Variants in B4GALT6 observed in about 807,000 individuals in gnomAD.
B4GALT6 encodes beta-1,4-galactosyltransferase 6.
A neutral mutation model predicts 46.3 loss-of-function variants in B4GALT6; 14 were observed. That is an observed-to-expected ratio of 0.30 (90% CI 0.20 to 0.47). The LOEUF is 0.47. Ranked by LOEUF, B4GALT6 falls within the 20% of genes least tolerant of loss-of-function variation. The pLI is 0.99. For synonymous variants in B4GALT6, 168 were observed against 162.0 expected, an observed-to-expected ratio of 1.04 and a Z score of -0.28; for missense variants, 386 against 480.1, an observed-to-expected ratio of 0.80 and a Z score of 1.83.
upstream of B4GALT6, among the ~76,000 whole-genome samples, chr18:31,687,094 T>C (rs763862679): frequency 5.3e-5 from 8 of 152,220 alleles, no homozygotes; most frequent in Non-Finnish European, 5.9e-5. Context: ...TATCTCTTGA[T>C]TTCTCTTGTT....
intron 3 of B4GALT6, among the ~76,000 whole-genome samples, chr18:31,657,688 T>TG (rs1238520023): frequency 6.6e-6 from 1 of 152,188 alleles, no homozygotes; most frequent in African/African-American, 2.4e-5. Flanking sequence ...TAAAAGAACT[T>TG]GGACATAGGT....
chr18:31,654,527 AAC>A (rs1231633006), intron 3 of B4GALT6, among the ~76,000 whole-genome samples: 2 of 152,222 alleles, frequency 1.3e-5, no homozygotes, highest in African/African-American at 4.8e-5. Flanking sequence ...TTGAATATGA[AAC>A]ACTGCTGAAA....
chr18:31,714,375 C>T, the B4GALT6 span, among the ~76,000 whole-genome samples: 1 of 152,350 alleles, frequency 6.6e-6, no homozygotes, highest in Non-Finnish European at 1.5e-5. Flanking sequence ...TCCCCCAGGA[C>T]CACTCCAGAC....
At chr18:31,719,725 T>G in the B4GALT6 span, among the ~76,000 whole-genome samples, 1 of 151,962 alleles carries the variant, frequency 6.6e-6, no homozygotes, top group Non-Finnish European at 1.5e-5. Context: ...AAGTGGGGAG[T>G]GCCGTTTGAT....
the B4GALT6 span, among the ~76,000 whole-genome samples, chr18:31,709,553 ATGTGTGTGTGTGTG>A: frequency 7.7e-4 from 97 of 126,788 alleles, no homozygotes; most frequent in Middle Eastern, 4.2e-3. Context: ...TAGGATATAT[ATGTGTGTGTGTGTG>A]TGTGTGTGTG....
chr18:31,685,414 G>C (rs1405261187), upstream of B4GALT6, among the ~76,000 whole-genome samples: 2 of 151,344 alleles, frequency 1.3e-5, no homozygotes, highest in Non-Finnish European at 3.0e-5. Context: ...GGAAAACCGG[G>C]ACCGGCGGGA....
At chr18:31,661,846 T>C (rs1480447823) in intron 2 of B4GALT6, among the ~76,000 whole-genome samples, 2 of 152,204 alleles carry the variant, frequency 1.3e-5, no homozygotes, top group African/African-American at 2.4e-5. Context: ...CAGAAAAATA[T>C]CTACATTTTC....
the B4GALT6 span, among the ~76,000 whole-genome samples, chr18:31,693,373 A>T: frequency 2.0e-5 from 3 of 152,220 alleles, no homozygotes; most frequent in East Asian, 5.8e-4. Flanking sequence ...CTATTAACAG[A>T]ATGTCATAGA....
Position 31,655,547 on chromosome 18 carries a change from G to T in B4GALT6, c.346+2429C>A, listed in dbSNP as rs545533983. Among the ~76,000 whole-genome samples, 11 of 152,358 alleles carry T rather than the reference G, an allele frequency of 7.2e-5. No individual in the cohort carries two copies. In the East Asian group the frequency reaches 1.9e-3, roughly 27 times the overall value. ...GGCACCACAAGAGATGGTACAATGG[G>T]CTGTGGGGCGGGAGGAGAGGAGTAC... On this transcript the variant is annotated intron_variant, in intron 3 of 8. Coordinates refer to ENST00000306851, the MANE Select transcript of B4GALT6 (RefSeq NM_004775.5).
At position 31,631,149 on chromosome 18, in the gene B4GALT6, TC is replaced by T. The variant is rs752003560; in HGVS notation, c.589-4del. On this transcript the variant is annotated splice_polypyrimidine_tract_variant and splice_region_variant and intron_variant, in intron 5 of 8. Transcript: ENST00000306851. ...CGGTTAAAAGGTTGTGTGCCAGTCT[TC>T]ATGGAGCAGACCGAGAGAAAAAAAT... 6.2e-7 allele frequency: 1 copy of T among 1,608,398 alleles called. No individual in the cohort carries two copies. The highest frequency in any genetic ancestry group is 8.5e-7 in the Non-Finnish European group (1 of 1,176,542).
chr18:31,659,844 T>C (rs1192909205), intron 2 of B4GALT6, among the ~76,000 whole-genome samples: 1 of 151,824 alleles, frequency 6.6e-6, no homozygotes, highest in Non-Finnish European at 1.5e-5. Context: ...CCACAGACAC[T>C]ACACTGGTAG....
At chr18:31,685,380 G>A (rs1193864313), upstream of B4GALT6, among the ~76,000 whole-genome samples, 10 of 151,638 alleles carry the variant, frequency 6.6e-5, no homozygotes, top group South Asian at 2.1e-4. Context: ...AGAGGCGGAC[G>A]TGAAGGGGCG....
At chr18:31,679,795 A>C (rs2074459005) in intron 1 of B4GALT6, among the ~76,000 whole-genome samples, 1 of 152,188 alleles carries the variant, frequency 6.6e-6, no homozygotes, top group Non-Finnish European at 1.5e-5. Flanking sequence ...GTGACTTTCT[A>C]TACTCCCTAT....
At chr18:31,717,356 G>T in the B4GALT6 span, among the ~76,000 whole-genome samples, 2 of 152,102 alleles carry the variant, frequency 1.3e-5, no homozygotes, top group Non-Finnish European at 2.9e-5. Flanking sequence ...GTACCTTATG[G>T]AATTGACTGA....
At chr18:31,684,658 G>C, upstream of B4GALT6, 1 of 1,152,854 alleles carries the variant, frequency 8.7e-7, no homozygotes, top group Non-Finnish European at 1.1e-6. Context: ...CGAGGGACAA[G>C]AGGTGGAGGG....
upstream of B4GALT6, among the ~76,000 whole-genome samples, chr18:31,687,534 C>T (rs907942213): frequency 9.2e-5 from 14 of 152,308 alleles, no homozygotes; most frequent in African/African-American, 2.9e-4. Context: ...GATATTTCCT[C>T]AGGAGCCAAG....
intron 3 of B4GALT6, among the ~76,000 whole-genome samples, chr18:31,654,710 T>C (rs2074117280): frequency 6.6e-6 from 1 of 152,218 alleles, no homozygotes; most frequent in African/African-American, 2.4e-5. Context: ...TGACTATAAG[T>C]AAATATTACT....
intron 2 of B4GALT6, among the ~76,000 whole-genome samples, chr18:31,661,344 G>A (rs1433705559): frequency 6.6e-6 from 1 of 152,106 alleles, no homozygotes; most frequent in Non-Finnish European, 1.5e-5. Context: ...GATAAATACA[G>A]AATAAATTGT....
At chr18:31,680,704 T>A (rs1422741419) in intron 1 of B4GALT6, among the ~76,000 whole-genome samples, 1 of 152,234 alleles carries the variant, frequency 6.6e-6, no homozygotes, top group East Asian at 1.9e-4. Flanking sequence ...CACTATCAAT[T>A]TATTTTGTAA....
Sources: gnomAD v4.1 joint callset for allele counts (sites outside exome capture counted in the v4.1 genomes callset) on GRCh38, gnomAD v4.1.1 for gene constraint, MANE v1.5 for transcripts, NCBI Gene and HGNC (gene_info 2026-07-23, HGNC 2026-07-21) for gene names.